The following BMPR1A variants were observed in gnomAD, a reference collection of about 807,000 sequenced individuals.
BMPR1A encodes the protein bone morphogenetic protein receptor type-1A.
In BMPR1A, 7 loss-of-function variants were observed where a neutral mutation model predicts 66.0. The ratio of observed to expected loss-of-function variants is 0.11; its 90% CI spans 0.06 to 0.20. The LOEUF is 0.20. BMPR1A is among the 10% of genes least tolerant of loss of function. The pLI is 1.00. For synonymous variants in BMPR1A, 200 were observed against 229.7 expected (o/e 0.87, Z 1.17); for missense variants, 408 against 669.1 (o/e 0.61, Z 4.31).
chr10:86,842,658 A>T (rs571222731), intron 2 of BMPR1A, among the ~76,000 whole-genome samples: 2 of 152,310 alleles, frequency 1.3e-5, no homozygotes, highest in African/African-American at 4.8e-5. Flanking sequence ...GTCAGTTTTC[A>T]TGCTGCTGAC....
At chr10:86,917,785 C>T (rs981336293) in intron 9 of BMPR1A, among the ~76,000 whole-genome samples, 7 of 152,204 alleles carry the variant, frequency 4.6e-5, no homozygotes, top group African/African-American at 1.4e-4. Context: ...GTACATAAGC[C>T]GATCTGGCTA....
intron 7 of BMPR1A, among the ~76,000 whole-genome samples, chr10:86,902,567 A>C (rs1323051482): frequency 6.6e-6 from 1 of 152,188 alleles, no homozygotes; most frequent in Non-Finnish European, 1.5e-5. Flanking sequence ...TACTGCTGTT[A>C]GGGCCCAGTG....
rs191729305 is a variant in BMPR1A at position 86,907,226 on chromosome 10, C to T, written c.531-5014C>T. ...GATTATTCCTTGCTTTTTAATGGGT[C>T]TCATAAGTTTATTTGGATGTTGTAC... On this transcript the variant is annotated intron_variant, in intron 7 of 12. Transcript: ENST00000372037. Among the ~76,000 whole-genome samples, 138 of 152,286 alleles carry T rather than the reference C, an allele frequency of 9.1e-4. 1 individual carries two copies. The highest frequency in any genetic ancestry group is 3.4e-3 in the Middle Eastern group (1 of 294).
At position 86,878,731 on chromosome 10, in the gene BMPR1A, A is replaced by G. The variant is rs578143595; in HGVS notation, c.67+2646A>G. Among the ~76,000 whole-genome samples, 3 of 152,316 alleles carry G rather than the reference A, an allele frequency of 2.0e-5. No homozygotes were observed. The South Asian group carries it at 6.2e-4, about 32-fold the overall frequency. ...TACCAGGAAAGCAAAAGTGTCACAG[A>G]TTTTGTCTTAAGTCTTAATCATTCC... On this transcript the variant is annotated intron_variant, in intron 3 of 12. Coordinates refer to ENST00000372037, the MANE Select transcript of BMPR1A (RefSeq NM_004329.3).
At chr10:86,879,401 C>T (rs1319832711) in intron 3 of BMPR1A, among the ~76,000 whole-genome samples, 1 of 152,206 alleles carries the variant, frequency 6.6e-6, no homozygotes, top group Admixed American at 6.5e-5. Flanking sequence ...GGGAATGGAA[C>T]TAAAATTGTT....
At chr10:86,803,410 T>C (rs1294561811) in intron 1 of BMPR1A, among the ~76,000 whole-genome samples, 24 of 152,200 alleles carry the variant, frequency 1.6e-4, no homozygotes, top group Admixed American at 1.6e-3. Flanking sequence ...CAGCCACATT[T>C]TTCTTTATGG....
intron 7 of BMPR1A, 56 bp downstream of exon 7, chr10:86,900,182 G>T: frequency 6.5e-7 from 1 of 1,545,300 alleles, no homozygotes; most frequent in South Asian, 1.1e-5. Context: ...GATGTCAACC[G>T]CTGTTTGTAA....
intron 1 of BMPR1A, among the ~76,000 whole-genome samples, chr10:86,833,514 G>GGT (rs1194740342): frequency 2.0e-5 from 3 of 152,164 alleles, no homozygotes; most frequent in African/African-American, 7.2e-5. Flanking sequence ...AGCAGAGGGA[G>GGT]GTGGGGCTTG....
rs1387797747 is a variant in BMPR1A, at chr10:86,906,436, T to TTATC, written c.531-5803_531-5802insATCT. ...ATTTTTTTTAAAACACTTTGTCCTT[T>TTATC]TGGCTGGGCGCGGTGGCTCACGCCT... On this transcript the variant is annotated intron_variant, in intron 7 of 12. Coordinates refer to ENST00000372037, the MANE Select transcript of BMPR1A (RefSeq NM_004329.3). 6.8e-3 allele frequency among the ~76,000 whole-genome samples: 708 copies of TTATC among 104,434 alleles called. 58 individuals are homozygous for TTATC. Among genetic ancestry groups the TTATC allele is most frequent in the East Asian group, 0.018 (35 of 1,944 alleles). 68.5% of individuals were successfully genotyped at this position (104,434 alleles called of 152,430 possible).
At chr10:86,903,047 A>G (rs368019867) in intron 7 of BMPR1A, among the ~76,000 whole-genome samples, 331 of 152,318 alleles carry the variant, frequency 2.2e-3, no homozygotes, top group African/African-American at 7.6e-3. Context: ...AGCCCCAAAC[A>G]GATCACACCA....
In BMPR1A at chr10:86,794,387, TGC is replaced by T. The variant is rs559292836; in HGVS notation, c.-268+37469_-268+37470del. 8.8e-3 allele frequency among the ~76,000 whole-genome samples: 1,343 copies of T among 152,286 alleles called. 22 individuals are homozygous for T. The highest frequency in any genetic ancestry group is 0.03 in the African/African-American group (1,229 of 41,570). ...TTCTTTGGTGAAATCAAGATAGTAA[TGC>T]TTGTCTGTATGTACTGAAATAAAGT... On this transcript the variant is annotated intron_variant, in intron 1 of 12. Coordinates refer to ENST00000372037, the MANE Select transcript of BMPR1A (RefSeq NM_004329.3).
chr10:86,794,353 A>G (rs1841674570), intron 1 of BMPR1A, among the ~76,000 whole-genome samples: 2 of 151,916 alleles, frequency 1.3e-5, no homozygotes, highest in African/African-American at 2.4e-5. Context: ...TCTTCTCTGT[A>G]CTTGTTTCTT....
intron 1 of BMPR1A, among the ~76,000 whole-genome samples, chr10:86,821,816 T>G (rs556984498): frequency 2.0e-5 from 3 of 152,126 alleles, no homozygotes; most frequent in East Asian, 3.9e-4. Context: ...TCCCTCCTTT[T>G]GTTTCTTGAG....
Position 86,845,230 on chromosome 10 carries a change from G to A in BMPR1A, c.-153+6251G>A, listed in dbSNP as rs534634866. 8.5e-5 allele frequency among the ~76,000 whole-genome samples: 13 copies of A among 152,358 alleles called. No individual in the cohort carries two copies. In the South Asian group the frequency reaches 2.7e-3, roughly 32 times the overall value. On this transcript the variant is annotated intron_variant, in intron 2 of 12. Coordinates refer to ENST00000372037, the MANE Select transcript of BMPR1A (RefSeq NM_004329.3). ...AAGCAGAAGTGAGAGAATGGGAAAA[G>A]TGAGACAGAGAAGGGAGTGAAGTTT...
At chr10:86,830,131 GA>G (rs1842247416) in intron 1 of BMPR1A, among the ~76,000 whole-genome samples, 1 of 152,160 alleles carries the variant, frequency 6.6e-6, no homozygotes, top group African/African-American at 2.4e-5. Flanking sequence ...TTCTCAAGAG[GA>G]AATGTCAGGT....
chr10:86,798,687 A>G (rs537361332), intron 1 of BMPR1A, among the ~76,000 whole-genome samples: 5 of 152,332 alleles, frequency 3.3e-5, no homozygotes, highest in East Asian at 1.9e-4. Flanking sequence ...TTGTCTTTCT[A>G]CCTTTCCAAT....
At chr10:86,929,132 T>C (rs1843784930), downstream of BMPR1A, 2 of 152,132 alleles carry the variant, frequency 1.3e-5, no homozygotes, top group Admixed American at 6.6e-5. Context: ...AAAATAGATA[T>C]TAAGCATCCT....
intron 4 of BMPR1A, among the ~76,000 whole-genome samples, chr10:86,891,517 A>G (rs1223292749): frequency 4.6e-5 from 7 of 152,238 alleles, no homozygotes; most frequent in Admixed American, 3.9e-4. Flanking sequence ...GTTAAAGTCT[A>G]TATGAATATA....
chr10:86,789,914 T>C (rs1338120543), intron 1 of BMPR1A, among the ~76,000 whole-genome samples: 1 of 150,960 alleles, frequency 6.6e-6, no homozygotes, highest in African/African-American at 2.4e-5. Flanking sequence ...CCTAGCACTT[T>C]GGGAGGCCGA....
Sources: allele counts gnomAD v4.1 joint callset (sites outside exome capture counted in the v4.1 genomes callset), GRCh38; gene constraint gnomAD v4.1.1; transcripts MANE v1.5; gene names NCBI Gene and HGNC (gene_info 2026-07-23, HGNC 2026-07-21).